TSHZ2: variants seen among roughly 807,000 people sequenced by gnomAD.
The protein encoded by TSHZ2 is teashirt homolog 2.
Under a neutral mutation model 74.4 loss-of-function variants are expected in TSHZ2, and 21 were observed. The ratio of observed to expected loss-of-function variants is 0.28; its 90% CI spans 0.20 to 0.41. The LOEUF (loss-of-function observed/expected upper bound fraction) is 0.41, where lower values mean the gene tolerates loss of function less well. Ranked by LOEUF, TSHZ2 falls within the 10% of genes least tolerant of loss-of-function variation. TSHZ2 has a pLI of 1.00. For missense variants in TSHZ2, 1,244 were observed against 1,293.5 expected, an observed-to-expected ratio of 0.96 and a Z score of 0.59; for synonymous variants, 540 against 515.3, an observed-to-expected ratio of 1.05 and a Z score of -0.65.
chr20:53,247,430 G>C (rs1202170468), intron 1 of TSHZ2, among the ~76,000 whole-genome samples: 1 of 152,126 alleles, frequency 6.6e-6, no homozygotes, highest in Non-Finnish European at 1.5e-5. Context: ...CCTCCAAGAG[G>C]CCCTCACTCC....
At chr20:53,077,148 C>G (rs1985391449) in intron 1 of TSHZ2, among the ~76,000 whole-genome samples, 1 of 152,154 alleles carries the variant, frequency 6.6e-6, no homozygotes. Context: ...CACGATGGCC[C>G]ATGCCTGTAA....
chr20:53,096,298 C>G (rs1015310641), intron 1 of TSHZ2, among the ~76,000 whole-genome samples: 4 of 152,122 alleles, frequency 2.6e-5, no homozygotes, highest in African/African-American at 9.7e-5. Flanking sequence ...TGCACCACCA[C>G]GCCTGGCTAA....
intron 2 of TSHZ2, among the ~76,000 whole-genome samples, chr20:53,470,852 C>G (rs1263039397): frequency 6.6e-6 from 1 of 151,966 alleles, no homozygotes; most frequent in Admixed American, 6.6e-5. Flanking sequence ...ATAGGTTTTT[C>G]TTTTTTCATT....
chr20:53,376,279 G>T (rs1334713996), intron 2 of TSHZ2, among the ~76,000 whole-genome samples: 2 of 152,198 alleles, frequency 1.3e-5, no homozygotes, highest in Non-Finnish European at 2.9e-5. Context: ...AGGATGTGGG[G>T]CTTTCTGTGC....
At chr20:53,250,901 T>TTGTGTGTGTG (rs11472057) in intron 1 of TSHZ2, among the ~76,000 whole-genome samples, 186 of 148,982 alleles carry the variant, frequency 1.2e-3, no homozygotes, top group Middle Eastern at 3.4e-3. Context: ...GGTGGGCAGA[T>TTGTGTGTGTG]TGTGTGTGTG....
intron 1 of TSHZ2, among the ~76,000 whole-genome samples, chr20:53,228,130 ACACAC>A (rs1268592422): frequency 1.3e-5 from 2 of 150,854 alleles, no homozygotes; most frequent in East Asian, 3.9e-4. Context: ...ACACACACAC[ACACAC>A]ACACACACTC....
intron 1 of TSHZ2, among the ~76,000 whole-genome samples, chr20:53,126,636 AAGGTATCATTC>A (rs1986953276): frequency 6.6e-6 from 1 of 152,200 alleles, no homozygotes; most frequent in Non-Finnish European, 1.5e-5. Flanking sequence ...AGTGTCCACA[AAGGTATCATTC>A]AGGAGCTGGC....
At chr20:53,427,157 AGT>A (rs1403251412) in intron 2 of TSHZ2, among the ~76,000 whole-genome samples, 2 of 152,162 alleles carry the variant, frequency 1.3e-5, no homozygotes, top group African/African-American at 4.8e-5. Context: ...TGTCAAGTAG[AGT>A]GTGATGGCGT....
intron 2 of TSHZ2, among the ~76,000 whole-genome samples, chr20:53,403,013 A>C (rs909685667): frequency 1.3e-5 from 2 of 152,194 alleles, no homozygotes; most frequent in Admixed American, 6.5e-5. Flanking sequence ...GGACCAAGGT[A>C]GTGGACGCAG....
In TSHZ2 at chr20:53,062,065, A is replaced by G. The variant is rs143206518; in HGVS notation, c.40+88732A>G. ...TATATCTTCCAAGAAATCTCTATGA[A>G]GAGATGTGTTTTTATACCTTACCAG... On this transcript the variant is annotated intron_variant, in intron 1 of 2. Coordinates refer to ENST00000371497, the MANE Select transcript of TSHZ2 (RefSeq NM_173485.6). Among the ~76,000 whole-genome samples the G allele has an allele frequency of 9.8e-4, 150 of 152,286 alleles. 1 individual carries two copies. The Middle Eastern group carries it at 0.017, about 17-fold the overall frequency.
At chr20:53,465,269 T>TTGTGTG (rs149559919) in intron 2 of TSHZ2, among the ~76,000 whole-genome samples, 37 of 150,680 alleles carry the variant, frequency 2.5e-4, no homozygotes, top group Admixed American at 1.5e-3. Context: ...GTTATTACTT[T>TTGTGTG]TGTGTGTGTG....
intron 1 of TSHZ2, among the ~76,000 whole-genome samples, chr20:53,016,585 G>GT (rs1983048400): frequency 6.6e-6 from 1 of 152,148 alleles, no homozygotes; most frequent in African/African-American, 2.4e-5. Flanking sequence ...CAGAGAAATG[G>GT]TTTTTCCTTT....
chr20:53,209,792 A>G (rs1238382846), intron 1 of TSHZ2, among the ~76,000 whole-genome samples: 1 of 152,200 alleles, frequency 6.6e-6, no homozygotes, highest in African/African-American at 2.4e-5. Flanking sequence ...AGAACAGTGC[A>G]TACGTGGAAC....
At chr20:53,413,547 G>A (rs1983128490) in intron 2 of TSHZ2, among the ~76,000 whole-genome samples, 1 of 152,154 alleles carries the variant, frequency 6.6e-6, no homozygotes, top group Admixed American at 6.5e-5. Flanking sequence ...CTGATAAATG[G>A]GACTACTGAA....
Position 53,032,182 on chromosome 20 carries a change from G to A in TSHZ2, c.40+58849G>A, listed in dbSNP as rs568662201. Among the ~76,000 whole-genome samples, 5 of 152,268 alleles carry A rather than the reference G, an allele frequency of 3.3e-5. No homozygotes were observed. The East Asian group carries it at 5.8e-4, about 18-fold the overall frequency. ...CCTCCTTAGGAGGCTAAAGTCCAACGAACGTCAGATCCAGAACAACATTGC... is the reference window on the plus strand; with the variant it reads ...CCTCCTTAGGAGGCTAAAGTCCAACAAACGTCAGATCCAGAACAACATTGC... On this transcript the variant is annotated intron_variant, in intron 1 of 2. Transcript: ENST00000371497.
At chr20:53,347,399 C>T (rs1189091223) in intron 2 of TSHZ2, among the ~76,000 whole-genome samples, 3 of 152,080 alleles carry the variant, frequency 2.0e-5, no homozygotes, top group Non-Finnish European at 4.4e-5. Flanking sequence ...CCTGTGACCC[C>T]CACATGTCTG....
intron 1 of TSHZ2, 78 bp downstream of exon 1, chr20:52,973,411 G>A (rs545824339): frequency 1.3e-4 from 192 of 1,526,390 alleles, no homozygotes; most frequent in Non-Finnish European, 1.6e-4. Flanking sequence ...TGGGTGCCCG[G>A]GGGCACCACC....
intron 2 of TSHZ2, among the ~76,000 whole-genome samples, chr20:53,351,893 A>C (rs1230645260): frequency 1.3e-5 from 2 of 152,220 alleles, no homozygotes; most frequent in African/African-American, 4.8e-5. Context: ...AAGTTTCCTC[A>C]TACCTTGTGC....
chr20:52,993,349 G>A (rs935006781), intron 1 of TSHZ2, among the ~76,000 whole-genome samples: 1 of 152,112 alleles, frequency 6.6e-6, no homozygotes, highest in African/African-American at 2.4e-5. Context: ...ATTTCCTGTG[G>A]ACTGACCTGT....
Sources: gnomAD v4.1 joint callset for allele counts (sites outside exome capture counted in the v4.1 genomes callset) on GRCh38, gnomAD v4.1.1 for gene constraint, MANE v1.5 for transcripts, NCBI Gene and HGNC (gene_info 2026-07-23, HGNC 2026-07-21) for gene names.